ZAN: variants seen among roughly 807,000 people sequenced by gnomAD.
The protein encoded by ZAN is zonadhesin (gene/pseudogene).
A neutral mutation model predicts 286.2 loss-of-function variants in ZAN; 260 were observed. The observed-to-expected ratio is 0.91, with a 90% CI of 0.82 to 1.01. The LOEUF is 1.01. ZAN is among the 50% of genes least tolerant of loss of function. The pLI, the probability that ZAN is intolerant of heterozygous loss-of-function variation, is 0.00. For synonymous variants in ZAN, 1,368 were observed against 1,417.5 expected (o/e 0.97, Z 0.79); for missense variants, 3,410 against 3,639.2 (o/e 0.94, Z 1.62).
Position 100,786,115 on chromosome 7 carries a change from A to ACAG in ZAN, c.6956_6958dup (p.Ser2319dup). 1.2e-6 allele frequency: 2 copies of ACAG among 1,613,970 alleles called. No individual in the cohort carries two copies. The highest frequency in any genetic ancestry group is 2.2e-5 in the South Asian group (2 of 91,088). On this transcript the variant is annotated inframe_insertion, in exon 37 of 48. Transcript: ENST00000613979. ...TCCCACTGCCAGCTCACTTCCGACAACAGCAACAGCAATTGTGTCTCAGAC... is the reference window on the plus strand; with the variant it reads ...TCCCACTGCCAGCTCACTTCCGACAACAGCAGCAACAGCAATTGTGTCTCAGAC...
chr7:100,764,159 C>T lies in ZAN; in HGVS notation c.4230C>T (p.Gly1410=), dbSNP rs2116007265. The T allele has an allele frequency of 6.2e-7, 1 of 1,604,112 alleles. No individual in the cohort carries two copies. Among genetic ancestry groups the T allele is most frequent in the East Asian group, 2.2e-5 (1 of 44,678 alleles). ...TGACCACCACCTGCCAGGACGCAGGCCACGCTGTGAAGCCCTGGAGGGAAC... is the reference window on the plus strand; with the variant it reads ...TGACCACCACCTGCCAGGACGCAGGTCACGCTGTGAAGCCCTGGAGGGAAC... ...STMTTTCQDA[G]HAVKPWREPH... Residue 1410 remains glycine, a synonymous_variant, in exon 22 of 48, where the codon GGC becomes GGT. Coordinates refer to ENST00000613979, the MANE Select transcript of ZAN (RefSeq NM_003386.3).
intron 8 of ZAN, 89 bp from the exon 9 acceptor site, chr7:100,747,461 C>A: frequency 9.8e-7 from 1 of 1,015,300 alleles, no homozygotes; most frequent in Non-Finnish European, 1.6e-6. Flanking sequence ...CCCAGCTATG[C>A]CCTCTGCTCC....
At chr7:100,787,061 C>CA (rs1385245106) in intron 37 of ZAN, among the ~76,000 whole-genome samples, 3 of 144,556 alleles carry the variant, frequency 2.1e-5, no homozygotes, top group Non-Finnish European at 4.5e-5. Context: ...GATCTTGTCT[C>CA]AAAAAAATAA....
Position 100,767,957 on chromosome 7 carries a change from T to C in ZAN, c.4987T>C (p.Leu1663=). 3.1e-6 allele frequency: 5 copies of C among 1,613,958 alleles called. No homozygotes were observed. Among genetic ancestry groups the C allele is most frequent in the Non-Finnish European group, 4.2e-6 (5 of 1,179,884 alleles). ...GLQVRYDGSH[L]VEVTVPSSYG... ...CCAAGTTCGCTACGACGGGAGCCAC[T>C]TGGTGGAAGTGACAGTCCCCTCCTC... Residue 1663 remains leucine, a synonymous_variant, in exon 26 of 48, where the codon TTG becomes CTG. Coordinates refer to ENST00000613979, the MANE Select transcript of ZAN (RefSeq NM_003386.3).
chr7:100,776,435 G>C lies in ZAN; in HGVS notation c.6193-5G>C, dbSNP rs558886087. On this transcript the variant is annotated splice_region_variant and splice_polypyrimidine_tract_variant and intron_variant, in intron 33 of 47. Coordinates refer to ENST00000613979, the MANE Select transcript of ZAN (RefSeq NM_003386.3). ...CAGCACCGAAAAACCACTCTCCCCC[G>C]CCAGGTCTGCGGCATGTGTGGGAAC... The C allele has an allele frequency of 1.2e-6, 2 of 1,603,012 alleles. No individual in the cohort carries two copies. The highest frequency in any genetic ancestry group is 1.3e-5 in the African/African-American group (1 of 74,710).
intron 7 of ZAN, among the ~76,000 whole-genome samples, chr7:100,745,153 G>A (rs988397007): frequency 6.6e-6 from 1 of 151,716 alleles, no homozygotes; most frequent in African/African-American, 2.4e-5. Context: ...CAAAGTGCTG[G>A]GATTACAGGC....
chr7:100,789,495 T>A, intron 39 of ZAN, 148 bp downstream of exon 39: 1 of 1,299,702 alleles, frequency 7.7e-7, no homozygotes, highest in Non-Finnish European at 1.0e-6. Flanking sequence ...GGAGGTGAGG[T>A]GAGACCAGGT....
Position 100,763,596 on chromosome 7 carries a change from G to C in ZAN, c.3987-210G>C, listed in dbSNP as rs981062179. Among the ~76,000 whole-genome samples, 55 of 152,246 alleles carry C rather than the reference G, an allele frequency of 3.6e-4. 1 individual carries two copies. The highest frequency in any genetic ancestry group is 3.5e-3 in the Admixed American group (54 of 15,286). ...GGATCTCAGTGTGTTACCCAGGCTGGCCTGGAACTCCTGGGCTCAAGCAAT... is the reference window on the plus strand; with the variant it reads ...GGATCTCAGTGTGTTACCCAGGCTGCCCTGGAACTCCTGGGCTCAAGCAAT... On this transcript the variant is annotated intron_variant, in intron 20 of 47. Coordinates refer to ENST00000613979, the MANE Select transcript of ZAN (RefSeq NM_003386.3). This position sits in a 1 kb window ranked among gnomAD's most constrained non-coding sequence, Gnocchi z 4.6.
At chr7:100,749,229 C>A (rs887186302) in intron 11 of ZAN, among the ~76,000 whole-genome samples, 1 of 152,056 alleles carries the variant, frequency 6.6e-6, no homozygotes, top group East Asian at 1.9e-4. Flanking sequence ...GTAGTCCCAG[C>A]TACTCAGGAG....
intron 20 of ZAN, 56 bp downstream of exon 20, chr7:100,762,414 A>T: frequency 7.5e-7 from 1 of 1,341,418 alleles, no homozygotes; most frequent in South Asian, 1.6e-5. Context: ...CCTTCCTGGA[A>T]CTCTCTTTTT....
Position 100,740,178 on chromosome 7 carries a change from G to A in ZAN, c.766+1565G>A, listed in dbSNP as rs1042741302. On this transcript the variant is annotated intron_variant, in intron 7 of 47. Coordinates refer to ENST00000613979, the MANE Select transcript of ZAN (RefSeq NM_003386.3). ...TGAAGAGGGTGACCTGAGATCCACA[G>A]GAGCGGCAGATCACATAGAGCCTTG... Among the ~76,000 whole-genome samples, 7 of 141,364 alleles carry A rather than the reference G, an allele frequency of 5.0e-5. 1 individual carries two copies. Among genetic ancestry groups the A allele is most frequent in the Non-Finnish European group, 9.5e-5 (6 of 63,080 alleles). The allele number at this position is 141,364 out of a possible 152,430, so 92.7% of individuals were successfully genotyped here. A position where few individuals can be genotyped will look rare whatever the true frequency, so the allele number is the denominator to read the frequency against.
In ZAN at chr7:100,766,616, C is replaced by T. The variant is rs1485439610; in HGVS notation, c.4562C>T (p.Ala1521Val). The change falls in exon 24 of 48, where the codon GCC (alanine) becomes GTC (valine). Residue 1521 changes from alanine to valine, a missense_variant. Coordinates refer to ENST00000613979, the MANE Select transcript of ZAN (RefSeq NM_003386.3). ...CGCTGCCAGCCCTGGAGGTGTAGGG[C>T]CCAGGAGTTCTGTGGCCAACAGGAT... ...RIRCQPWRCR[A>V]QEFCGQQDGI... 6.4e-7 allele frequency: 1 copy of T among 1,559,642 alleles called. No individual in the cohort carries two copies. Among genetic ancestry groups the T allele is most frequent in the Non-Finnish European group, 8.7e-7 (1 of 1,151,868 alleles).
At position 100,784,765 on chromosome 7, in the gene ZAN, G is replaced by A; in HGVS notation, c.6765G>A (p.Val2255=). 1.2e-6 allele frequency: 2 copies of A among 1,613,834 alleles called. No individual in the cohort carries two copies. The highest frequency in any genetic ancestry group is 1.7e-6 in the Non-Finnish European group (2 of 1,179,822). The change falls in exon 36 of 48, where the codon GTG becomes GTA. Residue 2255 remains valine, a synonymous_variant. Coordinates refer to ENST00000613979, the MANE Select transcript of ZAN (RefSeq NM_003386.3). ...AEGCICQPGY[V]LSEDKCVPRS... ...GCTGCATTTGTCAGCCCGGCTATGT[G>A]CTGAGTGAAGACAAGTGTGTCCCCA... is the stretch of plus-strand genomic sequence containing the variant.
Position 100,773,730 on chromosome 7 carries a change from C to A in ZAN, c.5644C>A (p.Arg1882Ser). ...PAGSYHPVGERWYTENTCTRL... is the reference protein window; with the variant it reads ...PAGSYHPVGESWYTENTCTRL... ...TCCCTGTGGCCCACAGGTCGGGGAG[C>A]GCTGGTACACAGAGAACACCTGCAC... The change falls in exon 31 of 48, where the codon CGC becomes AGC. Residue 1882 changes from arginine to serine, a missense_variant. Physicochemically the swap from Arg to Ser is moderately radical, Grantham distance 110. Transcript: ENST00000613979. 1.2e-6 allele frequency: 2 copies of A among 1,609,334 alleles called. No homozygotes were observed. The highest frequency in any genetic ancestry group is 1.7e-6 in the Non-Finnish European group (2 of 1,177,824).
chr7:100,748,499 A>G, intron 11 of ZAN, 29 bp downstream of exon 11: 1 of 1,590,736 alleles, frequency 6.3e-7, no homozygotes, highest in Non-Finnish European at 8.6e-7. Context: ...GCTCACGCCA[A>G]GAAATCACTC....
Position 100,747,642 on chromosome 7 carries a change from G to T in ZAN, c.1023+1G>T, listed in dbSNP as rs1808326070. 2 of 1,613,522 alleles carry T rather than the reference G, an allele frequency of 1.2e-6. No individual in the cohort carries two copies. Among genetic ancestry groups the T allele is most frequent in the Non-Finnish European group, 1.7e-6 (2 of 1,179,692 alleles). ...TTACACAGCCGTGGGACGGATACAG[G>T]TACAGAGAAGCAAGGGGTCAGGTCC... On this transcript the variant is annotated splice_donor_variant, in intron 9 of 47. Coordinates refer to ENST00000613979, the MANE Select transcript of ZAN (RefSeq NM_003386.3). LOFTEE classifies it high-confidence loss of function.
intron 43 of ZAN, 24 bp from the exon 44 acceptor site, chr7:100,794,096 C>G: frequency 6.2e-7 from 1 of 1,613,874 alleles, no homozygotes; most frequent in African/African-American, 1.3e-5. Flanking sequence ...TGGAACGTCT[C>G]CTCCTGGCCC....
chr7:100,746,843 G>A (rs1478225476), intron 8 of ZAN, 141 bp downstream of exon 8: 2 of 1,071,916 alleles, frequency 1.9e-6, no homozygotes, highest in Non-Finnish European at 2.7e-6. Flanking sequence ...TGGAAATCAT[G>A]GCTGGGAGGG....
rs755724825 is a variant in ZAN at position 100,797,094 on chromosome 7, C to T, written c.8267-272C>T. 2.6e-5 allele frequency among the ~76,000 whole-genome samples: 4 copies of T among 152,076 alleles called. No homozygotes were observed. The South Asian group carries it at 6.2e-4, about 24-fold the overall frequency. On this transcript the variant is annotated intron_variant, in intron 45 of 47. Coordinates refer to ENST00000613979, the MANE Select transcript of ZAN (RefSeq NM_003386.3). ...GTTCAAGGCTGCAGAAAGCTATGAT[C>T]GCACCACTGCACTCCAGCCTGAGCA...
Sources: allele counts gnomAD v4.1 joint callset (sites outside exome capture counted in the v4.1 genomes callset), GRCh38; gene constraint gnomAD v4.1.1; non-coding constraint Gnocchi (gnomAD v3.1); transcripts MANE v1.5; gene names NCBI Gene and HGNC (gene_info 2026-07-23, HGNC 2026-07-21).